LINGO2: variants seen among roughly 807,000 people sequenced by gnomAD.
LINGO2 encodes leucine rich repeat and Ig domain containing 2.
Under a neutral mutation model 30.6 loss-of-function variants are expected in LINGO2, and 14 were observed. That is an observed-to-expected ratio of 0.46 (90% confidence interval 0.30 to 0.72). The LOEUF is 0.72. Among genes scored for constraint, LINGO2 ranks in the 30% least tolerant of loss-of-function variants. The pLI is 0.07. For synonymous variants in LINGO2, 317 were observed against 288.5 expected (o/e 1.10, Z -1.00); for missense variants, 729 against 751.7 (o/e 0.97, Z 0.35).
chr9:28,090,532 G>A (rs1011784110), intron 4 of LINGO2, among the ~76,000 whole-genome samples: 3 of 151,874 alleles, frequency 2.0e-5, no homozygotes, highest in Admixed American at 2.0e-4. Context: ...TGCTAAAAAC[G>A]CTCAATAAAT....
chr9:28,733,190 C>A, the LINGO2 span, among the ~76,000 whole-genome samples: 1 of 151,888 alleles, frequency 6.6e-6, no homozygotes, highest in African/African-American at 2.4e-5. Flanking sequence ...ATTGCTTATC[C>A]GTTGCAAAAC....
At chr9:28,874,919 G>A in the LINGO2 span, among the ~76,000 whole-genome samples, 1 of 152,194 alleles carries the variant, frequency 6.6e-6, no homozygotes, top group African/African-American at 2.4e-5. Flanking sequence ...TTGTTTCTGA[G>A]AAAGGTTGTA....
chr9:28,013,147 C>T (rs1028262830), intron 4 of LINGO2, among the ~76,000 whole-genome samples: 5 of 152,134 alleles, frequency 3.3e-5, no homozygotes, highest in African/African-American at 1.2e-4. Context: ...CACTGGGTCT[C>T]TAGTAACAAT....
chr9:29,043,258 A>G, the LINGO2 span, among the ~76,000 whole-genome samples: 1 of 151,990 alleles, frequency 6.6e-6, no homozygotes, highest in Non-Finnish European at 1.5e-5. Context: ...ATGTTACAGA[A>G]AAAGTGCTGA....
At chr9:28,719,657 ATTC>A in the LINGO2 span, among the ~76,000 whole-genome samples, 32 of 151,930 alleles carry the variant, frequency 2.1e-4, no homozygotes, top group African/African-American at 7.2e-4. Context: ...TTGAAAATTC[ATTC>A]TTCTTCTCAT....
At chr9:28,212,914 T>C (rs1472636745) in intron 4 of LINGO2, among the ~76,000 whole-genome samples, 1 of 151,450 alleles carries the variant, frequency 6.6e-6, no homozygotes, top group African/African-American at 2.4e-5. Flanking sequence ...CTATAACAAA[T>C]CCTTTGTCAT....
At position 28,424,936 on chromosome 9, in the gene LINGO2, A is replaced by C. The variant is rs536066580; in HGVS notation, c.-279+51004T>G. 6.6e-5 allele frequency among the ~76,000 whole-genome samples: 10 copies of C among 152,138 alleles called. No homozygotes were observed. The South Asian group carries it at 2.1e-3, about 32-fold the overall frequency. On this transcript the variant is annotated intron_variant, in intron 2 of 5. Transcript: ENST00000379992. ...TCTTGGATAAGTATATTAATTTCTC[A>C]ATTTTTTTCTTCTGTAAAATAAGGA...
chr9:28,621,451 G>T (rs944573427), intron 1 of LINGO2, among the ~76,000 whole-genome samples: 2 of 151,508 alleles, frequency 1.3e-5, no homozygotes, highest in African/African-American at 4.8e-5. Flanking sequence ...CCGAGAAATA[G>T]TCCTGAAAGC....
At chr9:28,771,903 G>T in the LINGO2 span, among the ~76,000 whole-genome samples, 2 of 151,970 alleles carry the variant, frequency 1.3e-5, no homozygotes, top group Non-Finnish European at 2.9e-5. Context: ...ACATATCACA[G>T]CATTTATCAC....
chr9:28,831,778 A>G, the LINGO2 span, among the ~76,000 whole-genome samples: 357 of 152,344 alleles, frequency 2.3e-3, 1 homozygote, highest in African/African-American at 8.5e-3. Flanking sequence ...TCTTTCCCCA[A>G]GTAATTCTTC....
the LINGO2 span, among the ~76,000 whole-genome samples, chr9:29,133,335 T>G: frequency 2.2e-4 from 33 of 152,250 alleles, 1 homozygote; most frequent in South Asian, 6.8e-3. Context: ...CTCATATTAT[T>G]TTTTTACTGG....
At chr9:28,691,558 T>G in the LINGO2 span, among the ~76,000 whole-genome samples, 3 of 151,422 alleles carry the variant, frequency 2.0e-5, no homozygotes, top group African/African-American at 7.3e-5. Flanking sequence ...ACTTCTCTAT[T>G]GCATCCTTAA....
chr9:29,124,581 C>G, the LINGO2 span, among the ~76,000 whole-genome samples: 2 of 152,072 alleles, frequency 1.3e-5, no homozygotes, highest in Non-Finnish European at 2.9e-5. Flanking sequence ...AAACAAACAA[C>G]CCCATCAAAA....
the LINGO2 span, among the ~76,000 whole-genome samples, chr9:28,754,122 C>A: frequency 1.3e-5 from 2 of 151,802 alleles, no homozygotes; most frequent in Admixed American, 1.3e-4. Context: ...AGTATACTAA[C>A]AGACTATCCG....
chr9:28,045,394 A>G (rs1462894870), intron 4 of LINGO2, among the ~76,000 whole-genome samples: 1 of 152,206 alleles, frequency 6.6e-6, no homozygotes, highest in Non-Finnish European at 1.5e-5. Flanking sequence ...GAATTACCTA[A>G]TAAGAATCAA....
At chr9:28,173,505 C>T (rs1828660232) in intron 4 of LINGO2, among the ~76,000 whole-genome samples, 1 of 151,992 alleles carries the variant, frequency 6.6e-6, no homozygotes, top group Non-Finnish European at 1.5e-5. Flanking sequence ...TATATAGAGA[C>T]CAATAGACCA....
At chr9:28,519,172 C>T in intron 1 of LINGO2, among the ~76,000 whole-genome samples, 1 of 151,868 alleles carries the variant, frequency 6.6e-6, no homozygotes, top group Non-Finnish European at 1.5e-5. Context: ...AGCTGGGCTA[C>T]AGGTGTGTGC....
At chr9:28,783,027 A>G in the LINGO2 span, among the ~76,000 whole-genome samples, 3 of 152,244 alleles carry the variant, frequency 2.0e-5, no homozygotes, top group African/African-American at 7.2e-5. Context: ...ATCTAAATGC[A>G]GAAAAGGTAC....
intron 4 of LINGO2, among the ~76,000 whole-genome samples, chr9:28,091,293 CATGCTACCTGACTTCAAACT>C: frequency 6.6e-6 from 1 of 152,320 alleles, no homozygotes; most frequent in East Asian, 1.9e-4. Flanking sequence ...CTGGAGGCAT[CATGCTACCTGACTTCAAACT>C]ATACTAGAAG....
Sources: gnomAD v4.1 joint callset for allele counts (sites outside exome capture counted in the v4.1 genomes callset) on GRCh38, gnomAD v4.1.1 for gene constraint, MANE v1.5 for transcripts, NCBI Gene and HGNC (gene_info 2026-07-23, HGNC 2026-07-21) for gene names.